TRHDE: variants seen among roughly 807,000 people sequenced by gnomAD.
The protein encoded by TRHDE is thyrotropin-releasing hormone-degrading ectoenzyme.
In TRHDE, 72 loss-of-function variants were observed where a neutral mutation model predicts 125.7. The ratio of observed to expected loss-of-function variants is 0.57; its 90% confidence interval spans 0.47 to 0.70. The LOEUF is 0.70. Ranked by LOEUF, TRHDE falls within the 30% of genes least tolerant of loss-of-function variation. The pLI is 0.00. For synonymous variants in TRHDE, 509 were observed against 509.1 expected (o/e 1.00, Z 0.00); for missense variants, 1,110 against 1,327.1 (o/e 0.84, Z 2.54).
chr12:72,287,554 C>T lies in TRHDE; in HGVS notation c.1188+600C>T, dbSNP rs17110969. Among the ~76,000 whole-genome samples, 586 of 150,320 alleles carry T rather than the reference C, an allele frequency of 3.9e-3. 4 individuals carry two copies. Among genetic ancestry groups the T allele is most frequent in the African/African-American group, 0.013 (527 of 40,514 alleles). ...TGCTACTTCCATGCATATTATCCTA[C>T]GATTATTTCATATCTATGTATAGAC... On this transcript the variant is annotated intron_variant, in intron 2 of 18. Transcript: ENST00000261180.
rs935440033 is a variant in TRHDE at position 72,163,315 on chromosome 12, A to G, written n.279+57563A>G. ...TTGATTTTGCCTCCCTTGAATACCTATAACAGCTTGTCTGAGGCAGGTTCC... is the reference window on the plus strand; with the variant it reads ...TTGATTTTGCCTCCCTTGAATACCTGTAACAGCTTGTCTGAGGCAGGTTCC... On this transcript the variant is annotated intron_variant and non_coding_transcript_variant, in intron 2 of 4. Transcript: ENST00000548156. Among the ~76,000 whole-genome samples the G allele has an allele frequency of 3.9e-5, 6 of 152,168 alleles. No individual in the cohort carries two copies. The South Asian group carries it at 8.3e-4, about 21-fold the overall frequency.
At chr12:72,620,507 G>A (rs908350785) in intron 13 of TRHDE, among the ~76,000 whole-genome samples, 2 of 151,850 alleles carry the variant, frequency 1.3e-5, no homozygotes, top group African/African-American at 4.8e-5. Flanking sequence ...CTGAGCAACA[G>A]AGTGGAGACC....
At chr12:72,469,418 G>A (rs1876537233) in intron 3 of TRHDE, among the ~76,000 whole-genome samples, 1 of 152,140 alleles carries the variant, frequency 6.6e-6, no homozygotes, top group South Asian at 2.1e-4. Flanking sequence ...TTCATTAGAA[G>A]GCACAACGCC....
intron 7 of TRHDE, among the ~76,000 whole-genome samples, chr12:72,559,239 T>G (rs932823419): frequency 4.6e-5 from 7 of 152,228 alleles, no homozygotes; most frequent in African/African-American, 1.7e-4. Context: ...TATGATGTGC[T>G]AGGCACTATT....
chr12:72,506,190 A>C (rs901939771), intron 6 of TRHDE, among the ~76,000 whole-genome samples: 9 of 152,136 alleles, frequency 5.9e-5, no homozygotes, highest in Non-Finnish European at 1.3e-4. Context: ...GCATGTCTCT[A>C]GTTCCAGCTA....
intron 6 of TRHDE, among the ~76,000 whole-genome samples, chr12:72,509,461 G>T (rs1184360458): frequency 1.3e-5 from 2 of 152,026 alleles, no homozygotes; most frequent in Non-Finnish European, 2.9e-5. Flanking sequence ...CAGCTCCCTT[G>T]TTTTCCCTGA....
At chr12:72,214,894 TG>T in intron 2 of TRHDE, among the ~76,000 whole-genome samples, 1 of 152,346 alleles carries the variant, frequency 6.6e-6, no homozygotes, top group South Asian at 2.1e-4. Context: ...CAAGGAGTCC[TG>T]AATCTCTGAA....
intron 3 of TRHDE, among the ~76,000 whole-genome samples, chr12:72,467,811 T>C (rs1424530286): frequency 7.9e-5 from 12 of 152,192 alleles, no homozygotes; most frequent in Admixed American, 7.9e-4. Context: ...CGAGACTCCA[T>C]CTCAAACAAA....
At chr12:72,191,658 C>T (rs1012539246) in intron 2 of TRHDE, among the ~76,000 whole-genome samples, 3 of 151,850 alleles carry the variant, frequency 2.0e-5, no homozygotes, top group African/African-American at 7.3e-5. Context: ...ATTTTATTGT[C>T]GTTGTAATAC....
intron 2 of TRHDE, among the ~76,000 whole-genome samples, chr12:72,177,956 A>G (rs1169074268): frequency 1.3e-5 from 2 of 152,164 alleles, no homozygotes; most frequent in African/African-American, 4.8e-5. Context: ...GATATTTTTG[A>G]GAGATAAGTC....
At chr12:72,613,931 T>A (rs1872717125) in intron 12 of TRHDE, among the ~76,000 whole-genome samples, 1 of 152,094 alleles carries the variant, frequency 6.6e-6, no homozygotes, top group Non-Finnish European at 1.5e-5. Context: ...AAAGGAACAA[T>A]AGTGCTGGTG....
At chr12:72,612,893 T>G (rs1872686221) in intron 12 of TRHDE, among the ~76,000 whole-genome samples, 2 of 152,218 alleles carry the variant, frequency 1.3e-5, no homozygotes, top group African/African-American at 4.8e-5. Flanking sequence ...TGGACTCTAT[T>G]TTAAGATGAT....
chr12:72,302,392 C>T (rs574726388), intron 2 of TRHDE, among the ~76,000 whole-genome samples: 1 of 152,026 alleles, frequency 6.6e-6, no homozygotes, highest in East Asian at 1.9e-4. Context: ...CCTAATGGAA[C>T]TTCATAAAAA....
intron 2 of TRHDE, among the ~76,000 whole-genome samples, chr12:72,326,863 C>A (rs934761133): frequency 6.6e-6 from 1 of 152,084 alleles, no homozygotes; most frequent in Non-Finnish European, 1.5e-5. Flanking sequence ...TTCATTTTGA[C>A]TTAAATGGTG....
intron 2 of TRHDE, among the ~76,000 whole-genome samples, chr12:72,294,893 T>G (rs1449123965): frequency 1.3e-5 from 2 of 151,904 alleles, no homozygotes; most frequent in Non-Finnish European, 2.9e-5. Context: ...AACACTGCCC[T>G]GAGCATGTGC....
At position 72,273,911 on chromosome 12, in the gene TRHDE, C is replaced by T. The variant is rs768283311; in HGVS notation, c.914+354C>T. ...AGCGATGCCAGAGTGACATGAAAAG[C>T]TTGCCAAGTTACTGTCGAGGGAAAA... On this transcript the variant is annotated intron_variant, in intron 1 of 18. Transcript: ENST00000261180. This position sits in a 1 kb window ranked among gnomAD's most constrained non-coding sequence, Gnocchi z 5.3. 266 of 229,266 alleles carry T rather than the reference C, an allele frequency of 1.2e-3. No individual in the cohort carries two copies. Among genetic ancestry groups the T allele is most frequent in the Non-Finnish European group, 1.6e-3 (188 of 116,488 alleles). The allele number at this position is 229,266 out of a possible 1,614,324, so 14.2% of individuals were successfully genotyped here.
chr12:72,254,319 T>C (rs1231841841), intron 2 of TRHDE: 1 of 152,142 alleles, frequency 6.6e-6, no homozygotes, highest in Non-Finnish European at 1.5e-5. Context: ...CAATATCCTT[T>C]ATCTCCCTTG....
chr12:72,291,577 C>T (rs1365923227), intron 2 of TRHDE, among the ~76,000 whole-genome samples: 1 of 152,188 alleles, frequency 6.6e-6, no homozygotes, highest in Admixed American at 6.5e-5. Flanking sequence ...TCCATGGATT[C>T]AGCCAGTGTG....
intron 12 of TRHDE, among the ~76,000 whole-genome samples, chr12:72,608,749 C>T (rs1468303479): frequency 6.6e-6 from 1 of 152,192 alleles, no homozygotes; most frequent in Non-Finnish European, 1.5e-5. Context: ...GGATTACTCT[C>T]ACTTCATATC....
Sources: gnomAD v4.1 joint callset for allele counts (sites outside exome capture counted in the v4.1 genomes callset) on GRCh38, gnomAD v4.1.1 for gene constraint, Gnocchi (gnomAD v3.1) non-coding constraint, MANE v1.5 for transcripts, NCBI Gene and HGNC (gene_info 2026-07-23, HGNC 2026-07-21) for gene names.